The following CDH18 variants were observed in gnomAD, a reference collection of about 807,000 sequenced individuals.
CDH18 encodes the protein cadherin-18.
CDH18 carries 31 observed loss-of-function variants against 67.9 expected under a neutral mutation model. The observed-to-expected ratio is 0.46, with a 90% CI of 0.34 to 0.62. CDH18 has a LOEUF of 0.62. Ranked by LOEUF, CDH18 falls within the 20% of genes least tolerant of loss-of-function variation. The pLI is 0.01. For synonymous variants in CDH18, 362 were observed against 347.2 expected (o/e 1.04, Z -0.48); for missense variants, 890 against 975.5 (o/e 0.91, Z 1.17).
chr5:19,811,244 C>T (rs934892692), intron 3 of CDH18, among the ~76,000 whole-genome samples: 1 of 151,794 alleles, frequency 6.6e-6, no homozygotes, highest in Non-Finnish European at 1.5e-5. Context: ...AAGAAAGAAG[C>T]ATATGTTAAA....
chr5:20,077,867 T>C (rs930489595), intron 2 of CDH18, among the ~76,000 whole-genome samples: 1 of 152,134 alleles, frequency 6.6e-6, no homozygotes, highest in Non-Finnish European at 1.5e-5. Context: ...TTCACTACAA[T>C]GTTATGTCTT....
intron 2 of CDH18, among the ~76,000 whole-genome samples, chr5:20,038,849 T>C (rs1399338492): frequency 1.3e-5 from 2 of 152,182 alleles, no homozygotes; most frequent in African/African-American, 4.8e-5. Context: ...GCCAGGGAGA[T>C]CAGGAAAGAG....
chr5:20,259,592 G>T (rs888521023), intron 1 of CDH18, among the ~76,000 whole-genome samples: 1 of 151,966 alleles, frequency 6.6e-6, no homozygotes, highest in African/African-American at 2.4e-5. Context: ...TTTTTCTCTA[G>T]ATTACTTTAG....
At chr5:20,316,242 AC>A (rs1737449458) in intron 1 of CDH18, among the ~76,000 whole-genome samples, 1 of 152,094 alleles carries the variant, frequency 6.6e-6, no homozygotes, top group African/African-American at 2.4e-5. Context: ...TTGTGATGTG[AC>A]TGGGAATTTA....
chr5:20,356,882 T>G (rs1741672151), intron 1 of CDH18, among the ~76,000 whole-genome samples: 1 of 149,868 alleles, frequency 6.7e-6, no homozygotes, highest in Non-Finnish European at 1.5e-5. Flanking sequence ...ATATATATAC[T>G]CTATATATAC....
At chr5:20,524,296 G>T (rs1298822077) in intron 1 of CDH18, among the ~76,000 whole-genome samples, 2 of 152,058 alleles carry the variant, frequency 1.3e-5, no homozygotes, top group African/African-American at 4.8e-5. Flanking sequence ...CTTAGATTCA[G>T]ATATATCTTT....
At chr5:19,864,816 AATTTTTTGCCACTCTTAC>A (rs1174052033) in intron 2 of CDH18, among the ~76,000 whole-genome samples, 1 of 152,124 alleles carries the variant, frequency 6.6e-6, no homozygotes, top group African/African-American at 2.4e-5. Flanking sequence ...CTAGCTAACG[AATTTTTTGCCACTCTTAC>A]ATGTGACCCT....
intron 2 of CDH18, among the ~76,000 whole-genome samples, chr5:20,094,820 A>G (rs755569461): frequency 2.6e-5 from 4 of 152,176 alleles, no homozygotes; most frequent in Non-Finnish European, 5.9e-5. Context: ...TACCCAAAGG[A>G]TTATAAATCA....
chr5:19,888,734 T>G, intron 2 of CDH18, among the ~76,000 whole-genome samples: 1 of 152,170 alleles, frequency 6.6e-6, no homozygotes, highest in East Asian at 1.9e-4. Flanking sequence ...CATTAGATGT[T>G]ACACTCATAT....
Position 19,672,828 on chromosome 5 carries a change from A to G in CDH18, c.643+48519T>C, listed in dbSNP as rs115398549. ...TTGTGATAGAAATATTGTCAATAAT[A>G]ATATTTGATGATAGTGTTTGTTTTC... On this transcript the variant is annotated intron_variant, in intron 5 of 12. Transcript: ENST00000382275. Among the ~76,000 whole-genome samples, 1,029 of 152,168 alleles carry G rather than the reference A, an allele frequency of 6.8e-3. 10 individuals carry two copies. Among genetic ancestry groups the G allele is most frequent in the African/African-American group, 0.023 (970 of 41,562 alleles).
chr5:20,441,991 T>C (rs1425579252), intron 1 of CDH18, among the ~76,000 whole-genome samples: 1 of 151,866 alleles, frequency 6.6e-6, no homozygotes, highest in Non-Finnish European at 1.5e-5. Context: ...TGGAGTGAAA[T>C]ATAAGCTTCA....
At chr5:19,733,648 C>T (rs887248611) in intron 4 of CDH18, among the ~76,000 whole-genome samples, 5 of 152,140 alleles carry the variant, frequency 3.3e-5, no homozygotes, top group East Asian at 1.9e-4. Flanking sequence ...GCAGCCGCCT[C>T]GTATGACAGA....
rs1322854884 is a variant in CDH18, at chr5:19,873,388, C to T, written c.-256-34146G>A. Among the ~76,000 whole-genome samples the T allele has an allele frequency of 3.3e-5, 5 of 152,096 alleles. No homozygotes were observed. In the East Asian group the frequency reaches 9.7e-4, roughly 30 times the overall value. Reference sequence around the variant, plus strand: ...GAAGGCACTATCATCTGAAGAAAAACATAGTCGGTGAGGGAAATTCTGGTT... The same window carrying T: ...GAAGGCACTATCATCTGAAGAAAAATATAGTCGGTGAGGGAAATTCTGGTT... On this transcript the variant is annotated intron_variant, in intron 2 of 12. Coordinates refer to ENST00000382275, the MANE Select transcript of CDH18 (RefSeq NM_004934.5).
intron 2 of CDH18, among the ~76,000 whole-genome samples, chr5:20,105,566 C>G (rs990943848): frequency 6.6e-6 from 1 of 152,044 alleles, no homozygotes; most frequent in Non-Finnish European, 1.5e-5. Context: ...AAACTGTAAA[C>G]AACCCCATCA....
At chr5:20,426,933 T>A (rs1748347375) in intron 1 of CDH18, among the ~76,000 whole-genome samples, 1 of 150,972 alleles carries the variant, frequency 6.6e-6, no homozygotes, top group South Asian at 2.1e-4. Flanking sequence ...ATTTTCTCCA[T>A]CTAAAAATGG....
At chr5:19,745,077 C>T (rs1581163241) in intron 4 of CDH18, among the ~76,000 whole-genome samples, 1 of 152,154 alleles carries the variant, frequency 6.6e-6, no homozygotes, top group East Asian at 1.9e-4. Context: ...AATATGTTCT[C>T]TAAATCTCCT....
chr5:19,906,161 TA>T (rs1216477706), intron 2 of CDH18, among the ~76,000 whole-genome samples: 1 of 151,900 alleles, frequency 6.6e-6, no homozygotes, highest in African/African-American at 2.4e-5. Flanking sequence ...TGAAAGAGGT[TA>T]AAAAAAGAAA....
intron 4 of CDH18, among the ~76,000 whole-genome samples, chr5:19,732,413 C>T (rs1767729894): frequency 6.6e-6 from 1 of 152,000 alleles, no homozygotes; most frequent in Non-Finnish European, 1.5e-5. Flanking sequence ...GATCATGCCA[C>T]TGCACTCCAG....
intron 8 of CDH18, among the ~76,000 whole-genome samples, chr5:19,549,302 T>C (rs972393935): frequency 1.3e-5 from 2 of 152,070 alleles, no homozygotes; most frequent in East Asian, 3.9e-4. Context: ...TCACTCCTGT[T>C]CCCACTCTCA....
Sources: gnomAD v4.1 joint callset for allele counts (sites outside exome capture counted in the v4.1 genomes callset) on GRCh38, gnomAD v4.1.1 for gene constraint, MANE v1.5 for transcripts, NCBI Gene and HGNC (gene_info 2026-07-23, HGNC 2026-07-21) for gene names.